The following MMP26 variants were observed in gnomAD, a reference collection of about 807,000 sequenced individuals.
MMP26 encodes the protein matrix metalloproteinase-26.
MMP26 carries 33 observed loss-of-function variants against 31.0 expected under a neutral mutation model. The observed-to-expected ratio is 1.06, with a 90% confidence interval of 0.81 to 1.42. The LOEUF (loss-of-function observed/expected upper bound fraction) is 1.42, where lower values mean the gene tolerates loss of function less well. Among genes scored for constraint, MMP26 ranks in the 40% most tolerant of loss-of-function variants. The pLI, the probability that MMP26 is intolerant of heterozygous loss-of-function variation, is 0.00. For missense variants in MMP26, 347 were observed against 316.1 expected, an observed-to-expected ratio of 1.10 and a Z score of -0.74; for synonymous variants, 122 against 114.9, an observed-to-expected ratio of 1.06 and a Z score of -0.40.
intron 2 of MMP26, among the ~76,000 whole-genome samples, chr11:4,895,801 C>T (rs1016865148): frequency 5.9e-5 from 9 of 152,166 alleles, no homozygotes; most frequent in Non-Finnish European, 1.3e-4. Context: ...TGGCACATGA[C>T]TGACTATAGT....
intron 2 of MMP26, among the ~76,000 whole-genome samples, chr11:4,963,690 A>C (rs1326978611): frequency 1.3e-5 from 2 of 152,214 alleles, no homozygotes; most frequent in African/African-American, 2.4e-5. Context: ...AAAGATTGAT[A>C]CACTGTCTTC....
chr11:4,790,368 A>G (rs1453873165), intron 2 of MMP26, among the ~76,000 whole-genome samples: 4 of 152,288 alleles, frequency 2.6e-5, no homozygotes, highest in African/African-American at 9.6e-5. Flanking sequence ...CAAACAAAAA[A>G]AAGCAATTAT....
intron 2 of MMP26, chr11:4,923,889 C>A: frequency 6.2e-7 from 1 of 1,614,080 alleles, no homozygotes; most frequent in South Asian, 1.1e-5. Context: ...CTTCTAAGCA[C>A]TGAGCTTAGC....
intron 1 of MMP26, among the ~76,000 whole-genome samples, chr11:4,735,482 T>C (rs1449452461): frequency 6.6e-6 from 1 of 152,200 alleles, no homozygotes; most frequent in Non-Finnish European, 1.5e-5. Flanking sequence ...CCTTACCTTA[T>C]AGCTCAAACA....
At chr11:4,943,310 T>C in intron 2 of MMP26, 1 of 310,858 alleles carries the variant, frequency 3.2e-6, no homozygotes, top group South Asian at 2.8e-5. Context: ...GATTAATAAG[T>C]CTTTTAACAT....
chr11:4,923,481 G>T lies in MMP26; in HGVS notation c.-144-64587G>T. On this transcript the variant is annotated intron_variant, in intron 2 of 7. Coordinates refer to ENST00000380390, the MANE Select transcript of MMP26 (RefSeq NM_021801.5). The stretch of plus-strand genomic sequence containing the variant: ...CTGTAGATGATGGGGTTCATAAGGG[G>T]TGGTACCAGCAGATACACATAGGAC... 1.2e-6 allele frequency: 2 copies of T among 1,614,046 alleles called. 1 individual carries two copies. Among genetic ancestry groups the T allele is most frequent in the South Asian group, 2.2e-5 (2 of 91,068 alleles).
At chr11:4,850,839 GGAGT>G (rs530871462) in intron 2 of MMP26, among the ~76,000 whole-genome samples, 200 of 149,104 alleles carry the variant, frequency 1.3e-3, no homozygotes, top group African/African-American at 4.8e-3. Flanking sequence ...CCAGTGTGAT[GGAGT>G]GAGGAGGCTA....
At chr11:4,991,227 G>C in intron 5 of MMP26, 144 bp from the exon 6 acceptor site, 4 of 1,037,246 alleles carry the variant, frequency 3.9e-6, no homozygotes, top group Non-Finnish European at 5.4e-6. Context: ...TTATTTCTCT[G>C]CATAGATAAT....
intron 1 of MMP26, among the ~76,000 whole-genome samples, chr11:4,741,988 A>T (rs926525262): frequency 6.6e-6 from 1 of 152,234 alleles, no homozygotes; most frequent in African/African-American, 2.4e-5. Context: ...TGCGCCATAC[A>T]GAGGACAAAA....
chr11:4,793,246 A>G (rs1304767331), intron 2 of MMP26, among the ~76,000 whole-genome samples: 1 of 152,162 alleles, frequency 6.6e-6, no homozygotes. Flanking sequence ...ATCGGATATT[A>G]CCCCTAGTTC....
In MMP26 at chr11:4,787,803, GA is replaced by G. The variant is rs1255210088; in HGVS notation, c.-145+20464del. On this transcript the variant is annotated intron_variant, in intron 2 of 7. Coordinates refer to ENST00000380390, the MANE Select transcript of MMP26 (RefSeq NM_021801.5). ...CGTATTTCTTCTCTAATAACAAAAA[GA>G]AGAACAGTAATGCTTACTGAGCACC... is the stretch of plus-strand genomic sequence containing the variant. The G allele has an allele frequency of 2.0e-5, 3 of 152,112 alleles. No homozygotes were observed. In the East Asian group the frequency reaches 5.8e-4, roughly 29 times the overall value. 9.4% of individuals were successfully genotyped at this position (152,112 alleles called of 1,614,324 possible). A position where few individuals can be genotyped will look rare whatever the true frequency, so the allele number is the denominator to read the frequency against.
chr11:4,925,664 G>T (rs1851260610), intron 2 of MMP26, among the ~76,000 whole-genome samples: 1 of 151,630 alleles, frequency 6.6e-6, no homozygotes, highest in African/African-American at 2.4e-5. Context: ...AATGAGGGCA[G>T]GTCATAATGT....
At chr11:4,844,177 G>A (rs765130322) in intron 2 of MMP26, among the ~76,000 whole-genome samples, 1 of 152,086 alleles carries the variant, frequency 6.6e-6, no homozygotes, top group African/African-American at 2.4e-5. Context: ...AGAAGTAATG[G>A]AGAAGTTCCT....
intron 2 of MMP26, among the ~76,000 whole-genome samples, chr11:4,941,368 G>T (rs1168365954): frequency 6.6e-6 from 1 of 152,164 alleles, no homozygotes. Flanking sequence ...AAATTAGAAA[G>T]AGACAAATTC....
intron 2 of MMP26, among the ~76,000 whole-genome samples, chr11:4,824,500 G>A (rs1313753031): frequency 1.3e-5 from 2 of 152,072 alleles, no homozygotes; most frequent in African/African-American, 4.8e-5. Context: ...TCATTGTTAT[G>A]TGTAGCCTAC....
chr11:4,899,710 C>A (rs1850773345), intron 2 of MMP26, among the ~76,000 whole-genome samples: 1 of 152,170 alleles, frequency 6.6e-6, no homozygotes, highest in African/African-American at 2.4e-5. Context: ...ATTACCCCAT[C>A]AGGCTAATGA....
chr11:4,962,176 A>G (rs1846530711), intron 2 of MMP26, among the ~76,000 whole-genome samples: 1 of 152,146 alleles, frequency 6.6e-6, no homozygotes, highest in South Asian at 2.1e-4. Context: ...CCTTGATAAC[A>G]TTGCTGTTTT....
intron 2 of MMP26, among the ~76,000 whole-genome samples, chr11:4,874,932 A>G (rs772233175): frequency 3.9e-5 from 6 of 152,106 alleles, no homozygotes; most frequent in Non-Finnish European, 8.8e-5. Flanking sequence ...TCAAGATGAC[A>G]TTTATTAGAA....
At chr11:4,798,048 A>T (rs1306955697) in intron 2 of MMP26, among the ~76,000 whole-genome samples, 1 of 152,198 alleles carries the variant, frequency 6.6e-6, no homozygotes, top group Non-Finnish European at 1.5e-5. Context: ...TTTTCTGCAT[A>T]TTGACCTGTG....
Sources: allele counts gnomAD v4.1 joint callset (sites outside exome capture counted in the v4.1 genomes callset), GRCh38; gene constraint gnomAD v4.1.1; transcripts MANE v1.5; gene names NCBI Gene and HGNC (gene_info 2026-07-23, HGNC 2026-07-21).